Variants in GCLM observed in about 807,000 individuals in gnomAD.
GCLM encodes the protein glutamate--cysteine ligase regulatory subunit.
In GCLM, 15 loss-of-function variants were observed where a neutral mutation model predicts 36.0. That is an observed-to-expected ratio of 0.42 (90% CI 0.28 to 0.64). The LOEUF (loss-of-function observed/expected upper bound fraction) is 0.64, where lower values mean the gene tolerates loss of function less well. Ranked by LOEUF, GCLM falls within the 30% of genes least tolerant of loss-of-function variation. The pLI, the probability that GCLM is intolerant of heterozygous loss-of-function variation, is 0.25. For missense variants in GCLM, 242 were observed against 325.5 expected, an observed-to-expected ratio of 0.74 and a Z score of 1.97; for synonymous variants, 129 against 122.8, an observed-to-expected ratio of 1.05 and a Z score of -0.34.
In GCLM at chr1:93,894,649, A is replaced by T. The variant is rs1557727726; in HGVS notation, c.620T>A (p.Phe207Tyr). 7.5e-6 allele frequency: 12 copies of T among 1,606,890 alleles called. No individual in the cohort carries two copies. The highest frequency in any genetic ancestry group is 1.0e-5 in the Non-Finnish European group (12 of 1,173,688). ...ATTGTGAGTCAACAGCTGTATGTCA[A>T]ATTGTTTAGCAAATGCAGTCAAATC... is the stretch of plus-strand genomic sequence containing the variant. ...PPDLTAFAKQ[F>Y]DIQLLTHNDP... The change falls in exon 6 of 7, where the codon TTT becomes TAT. Residue 207 changes from phenylalanine (F) to tyrosine (Y), a missense_variant. By Grantham distance (22) the Phe-to-Tyr change is conservative. Coordinates refer to ENST00000370238, the MANE Select transcript of GCLM (RefSeq NM_002061.4).
chr1:93,890,218 T>C (rs1205327256), intron 6 of GCLM, among the ~76,000 whole-genome samples: 1 of 151,870 alleles, frequency 6.6e-6, no homozygotes, highest in Non-Finnish European at 1.5e-5. Flanking sequence ...CCTCGAAAAA[T>C]ATTTTCAAAC....
At chr1:93,889,360 A>G (rs1656443850) in intron 6 of GCLM, among the ~76,000 whole-genome samples, 1 of 152,176 alleles carries the variant, frequency 6.6e-6, no homozygotes, top group Non-Finnish European at 1.5e-5. Flanking sequence ...AAGTATCTAC[A>G]CCTGTACCCC....
At chr1:93,895,759 C>T (rs1038822854) in intron 5 of GCLM, among the ~76,000 whole-genome samples, 1 of 152,056 alleles carries the variant, frequency 6.6e-6, no homozygotes, top group Non-Finnish European at 1.5e-5. Context: ...TAGTAAGTGA[C>T]TTTCCTAATA....
intron 3 of GCLM, among the ~76,000 whole-genome samples, chr1:93,900,345 A>G (rs17878294): frequency 0.067 from 9,652 of 144,548 alleles, 348 homozygotes; most frequent in South Asian, 0.094. Context: ...CTATAAAAAA[A>G]TCTCAAGCCC....
chr1:93,892,005 T>G (rs747276833), intron 6 of GCLM, among the ~76,000 whole-genome samples: 39 of 152,166 alleles, frequency 2.6e-4, no homozygotes, highest in Non-Finnish European at 5.3e-4. Context: ...AGTTTTCATA[T>G]ATAGAACACA....
chr1:93,891,214 A>G (rs574384834), intron 6 of GCLM, among the ~76,000 whole-genome samples: 3 of 151,972 alleles, frequency 2.0e-5, no homozygotes, highest in African/African-American at 2.4e-5. Flanking sequence ...CAAGCTCTCT[A>G]TGACTGCTCT....
rs1458742777 is a variant in GCLM at position 93,899,530 on chromosome 1, CATCTT to C, written c.278-1637_278-1633del. On this transcript the variant is annotated intron_variant, in intron 3 of 6. Transcript: ENST00000370238. ...TTCGCATATATAATGCCAAAACAAA[CATCTT>C]AGTAACTTTTTATTCAGCATTATAC... is the stretch of plus-strand genomic sequence containing the variant. 5.9e-5 allele frequency among the ~76,000 whole-genome samples: 9 copies of C among 152,150 alleles called. No homozygotes were observed. The East Asian group carries it at 1.5e-3, about 26-fold the overall frequency.
rs1656789840 is a variant in GCLM at position 93,897,862 on chromosome 1, G to A, written c.314C>T (p.Ser105Leu). 1.3e-6 allele frequency: 2 copies of A among 1,552,482 alleles called. No individual in the cohort carries two copies. The highest frequency in any genetic ancestry group is 1.3e-5 in the South Asian group (1 of 78,538). The change falls in exon 4 of 7, where the codon TCA (serine) becomes TTA (leucine). Residue 105 changes from serine to leucine, a missense_variant. Coordinates refer to ENST00000370238, the MANE Select transcript of GCLM (RefSeq NM_002061.4). ...ACCCATGTCAACTGCACTTCTAGTT[G>A]ATGATGAAGAGTTTGATTCTACAAT... is the stretch of plus-strand genomic sequence containing the variant. ...LFIVESNSSS[S>L]TRSAVDMACS...
intron 3 of GCLM, among the ~76,000 whole-genome samples, chr1:93,899,467 G>A (rs1379546298): frequency 6.6e-6 from 1 of 152,128 alleles, no homozygotes; most frequent in Non-Finnish European, 1.5e-5. Context: ...GAACATTTAG[G>A]TTAGTAAATG....
rs531689710 is a variant in GCLM, at chr1:93,907,833, A to G, written c.126+1205T>C. Among the ~76,000 whole-genome samples the G allele has an allele frequency of 2.6e-5, 4 of 152,338 alleles. No individual in the cohort carries two copies. The South Asian group carries it at 6.2e-4, about 24-fold the overall frequency. On this transcript the variant is annotated intron_variant, in intron 1 of 6. Coordinates refer to ENST00000370238, the MANE Select transcript of GCLM (RefSeq NM_002061.4). ...CATCTCTTGATGGGCACTGACCCCA[A>G]CAACAGGCCTGGGCACAGGTCCAGC...
Position 93,886,488 on chromosome 1 carries a change from T to A in GCLM, c.*2502A>T, listed in dbSNP as rs918568217. 6 of 152,100 alleles carry A rather than the reference T, an allele frequency of 3.9e-5. No homozygotes were observed. The highest frequency in any genetic ancestry group is 8.8e-5 in the Non-Finnish European group (6 of 68,004). The allele number at this position is 152,100 out of a possible 1,614,324, so 9.4% of individuals were successfully genotyped here. A position where few individuals can be genotyped will look rare whatever the true frequency, so the allele number is the denominator to read the frequency against. On this transcript the variant is annotated 3_prime_UTR_variant, in exon 7 of 7. Coordinates refer to ENST00000370238, the MANE Select transcript of GCLM (RefSeq NM_002061.4). Reference sequence around the variant, plus strand: ...GAAAACATATATAAAGCCTTAAAAATCAGTGTTTTAAAAGAGTATTCAATA... The same window carrying A: ...GAAAACATATATAAAGCCTTAAAAAACAGTGTTTTAAAAGAGTATTCAATA...
rs199753605 is a variant in GCLM, at chr1:93,896,843, G to T, written c.338-23C>A. 38 of 1,302,500 alleles carry T rather than the reference G, an allele frequency of 2.9e-5. No individual in the cohort carries two copies. The African/African-American group carries it at 5.1e-4, about 17-fold the overall frequency. The allele number at this position is 1,302,500 out of a possible 1,614,324, so 80.7% of individuals were successfully genotyped here. ...AGGCTGATAGGAAGGAAGACACAAA[G>T]AAAATAAATGCTTACATCATAAAAA... is the stretch of plus-strand genomic sequence containing the variant. On this transcript the variant is annotated intron_variant, in intron 4 of 6. Coordinates refer to ENST00000370238, the MANE Select transcript of GCLM (RefSeq NM_002061.4).
intron 2 of GCLM, among the ~76,000 whole-genome samples, chr1:93,903,903 T>C (rs920556800): frequency 3.3e-5 from 5 of 152,106 alleles, no homozygotes; most frequent in Non-Finnish European, 7.3e-5. Context: ...GAAACAGAGA[T>C]TGATTTAAAA....
At chr1:93,896,111 C>T (rs1051970205) in intron 5 of GCLM, among the ~76,000 whole-genome samples, 7 of 149,022 alleles carry the variant, frequency 4.7e-5, no homozygotes, top group South Asian at 2.1e-4. Context: ...TACAGGTGCA[C>T]GCCACCATGC....
intron 2 of GCLM, chr1:93,904,128 AAC>A (rs1339496053): frequency 1.1e-4 from 25 of 231,098 alleles, no homozygotes; most frequent in Admixed American, 2.3e-4. Flanking sequence ...CATTTAGTGG[AAC>A]ACAGTTCCTT....
At chr1:93,893,267 A>C (rs1656600843) in intron 6 of GCLM, among the ~76,000 whole-genome samples, 1 of 152,224 alleles carries the variant, frequency 6.6e-6, no homozygotes, top group African/African-American at 2.4e-5. Context: ...TCCTGACAAA[A>C]AAAATGTATA....
chr1:93,893,823 C>G (rs995640716), intron 6 of GCLM, among the ~76,000 whole-genome samples: 2 of 152,166 alleles, frequency 1.3e-5, no homozygotes, highest in Non-Finnish European at 1.5e-5. Context: ...AAAAGGCAGA[C>G]AAGCCATTCT....
At chr1:93,898,303 GAAA>G (rs58007552) in intron 3 of GCLM, among the ~76,000 whole-genome samples, 27 of 16,426 alleles carry the variant, frequency 1.6e-3, no homozygotes, top group African/African-American at 4.6e-3. Flanking sequence ...GAAGAAAACT[GAAA>G]AAAAAAAAAA....
intron 1 of GCLM, among the ~76,000 whole-genome samples, chr1:93,908,206 A>C (rs901337346): frequency 2.0e-5 from 3 of 152,216 alleles, no homozygotes; most frequent in Admixed American, 6.5e-5. Context: ...CCATACCACC[A>C]ATATGCACAA....
Sources: allele counts gnomAD v4.1 joint callset (sites outside exome capture counted in the v4.1 genomes callset), GRCh38; gene constraint gnomAD v4.1.1; transcripts MANE v1.5; gene names NCBI Gene and HGNC (gene_info 2026-07-23, HGNC 2026-07-21).